KCNH5: variants seen among roughly 807,000 people sequenced by gnomAD.
The protein encoded by KCNH5 is potassium voltage-gated channel subfamily H member 5.
Under a neutral mutation model 96.1 loss-of-function variants are expected in KCNH5, and 46 were observed. The ratio of observed to expected loss-of-function variants is 0.48; its 90% CI spans 0.38 to 0.61. The LOEUF (loss-of-function observed/expected upper bound fraction) is 0.61. KCNH5 is among the 20% of genes least tolerant of loss of function. The pLI, the probability that KCNH5 is intolerant of heterozygous loss-of-function variation, is 0.00. For missense variants in KCNH5, 907 were observed against 1,225.8 expected, an observed-to-expected ratio of 0.74 and a Z score of 3.88; for synonymous variants, 439 against 449.8, an observed-to-expected ratio of 0.98 and a Z score of 0.30.
At chr14:62,777,367 G>C (rs955360843) in intron 10 of KCNH5, among the ~76,000 whole-genome samples, 2 of 152,160 alleles carry the variant, frequency 1.3e-5, no homozygotes, top group African/African-American at 4.8e-5. Flanking sequence ...GTCTTCATGG[G>C]TGAAATGGAG....
chr14:63,002,532 G>A (rs576095932), intron 3 of KCNH5, among the ~76,000 whole-genome samples: 3 of 152,118 alleles, frequency 2.0e-5, no homozygotes, highest in African/African-American at 7.2e-5. Flanking sequence ...TTAGGATTTG[G>A]GGAGTGAAAC....
chr14:62,927,640 C>G (rs1360598415), intron 7 of KCNH5, among the ~76,000 whole-genome samples: 4 of 152,006 alleles, frequency 2.6e-5, no homozygotes, highest in African/African-American at 9.7e-5. Flanking sequence ...CACAAAAATA[C>G]AAATACTTTT....
At chr14:62,712,770 T>C (rs1335116182) in intron 10 of KCNH5, 2 of 754,130 alleles carry the variant, frequency 2.7e-6, no homozygotes, top group Non-Finnish European at 4.9e-6. Context: ...GGGAAAGCGG[T>C]AGCCTAGACC....
At chr14:62,953,385 G>A (rs1890043095) in intron 6 of KCNH5, among the ~76,000 whole-genome samples, 1 of 151,932 alleles carries the variant, frequency 6.6e-6, no homozygotes, top group South Asian at 2.1e-4. Context: ...TGCATATCTA[G>A]GTTTCAACCA....
chr14:63,004,451 A>C (rs2139595564), intron 3 of KCNH5, among the ~76,000 whole-genome samples: 1 of 152,360 alleles, frequency 6.6e-6, no homozygotes, highest in East Asian at 1.9e-4. Context: ...TCTGGAAAGA[A>C]CCAGATAGGC....
At chr14:62,869,579 T>C (rs964990247) in intron 7 of KCNH5, among the ~76,000 whole-genome samples, 5 of 152,206 alleles carry the variant, frequency 3.3e-5, no homozygotes, top group African/African-American at 1.2e-4. Context: ...TTGCTTTTGG[T>C]GTTTCAGTCA....
chr14:62,845,290 A>C (rs1215178569), intron 8 of KCNH5, among the ~76,000 whole-genome samples: 1 of 152,206 alleles, frequency 6.6e-6, no homozygotes, highest in East Asian at 1.9e-4. Flanking sequence ...ACATAATTCT[A>C]AGATGGTGAC....
intron 10 of KCNH5, among the ~76,000 whole-genome samples, chr14:62,731,053 C>T (rs1412335044): frequency 6.6e-6 from 1 of 152,146 alleles, no homozygotes; most frequent in Non-Finnish European, 1.5e-5. Context: ...GTAATCCCTG[C>T]ACTTTGGGAG....
chr14:62,937,150 T>C (rs1020064364), intron 7 of KCNH5, among the ~76,000 whole-genome samples: 1 of 152,056 alleles, frequency 6.6e-6, no homozygotes, highest in Non-Finnish European at 1.5e-5. Flanking sequence ...CAAATGACCA[T>C]CCATCGCTAA....
At chr14:63,015,676 C>T (rs745527758) in intron 2 of KCNH5, among the ~76,000 whole-genome samples, 2 of 151,848 alleles carry the variant, frequency 1.3e-5, no homozygotes, top group African/African-American at 2.4e-5. Context: ...AGGATCCCTG[C>T]GTATATCAAA....
At chr14:62,936,191 G>A (rs1414423240) in intron 7 of KCNH5, among the ~76,000 whole-genome samples, 1 of 152,174 alleles carries the variant, frequency 6.6e-6, no homozygotes, top group Admixed American at 6.6e-5. Context: ...AGAAAAGGAA[G>A]TGAAGACACA....
chr14:63,024,896 C>T (rs1891497515), intron 1 of KCNH5, among the ~76,000 whole-genome samples: 1 of 152,016 alleles, frequency 6.6e-6, no homozygotes. Context: ...TTTTAGGAGG[C>T]CAGCATTACC....
chr14:62,780,046 C>T (rs539954976), intron 9 of KCNH5, 122 bp from the exon 10 acceptor site: 1 of 660,442 alleles, frequency 1.5e-6, no homozygotes, highest in African/African-American at 1.8e-5. Flanking sequence ...AGGGTATAAC[C>T]ACATCTATAA....
chr14:62,834,842 A>G (rs1887433500), intron 8 of KCNH5, among the ~76,000 whole-genome samples: 1 of 152,058 alleles, frequency 6.6e-6, no homozygotes, highest in Non-Finnish European at 1.5e-5. Flanking sequence ...ACAATGTTCA[A>G]TTATTTACAT....
At chr14:63,028,707 T>TTTG in intron 1 of KCNH5, among the ~76,000 whole-genome samples, 1 of 152,144 alleles carries the variant, frequency 6.6e-6, no homozygotes, top group Non-Finnish European at 1.5e-5. Flanking sequence ...CCTGTTAGAC[T>TTTG]GGAAGCAGAG....
intron 8 of KCNH5, among the ~76,000 whole-genome samples, chr14:62,824,672 G>C (rs559470478): frequency 6.6e-6 from 1 of 151,996 alleles, no homozygotes; most frequent in East Asian, 1.9e-4. Flanking sequence ...TATTACTTGG[G>C]TATATTGTGT....
chr14:62,883,789 A>T (rs1433062968), intron 7 of KCNH5, among the ~76,000 whole-genome samples: 1 of 151,872 alleles, frequency 6.6e-6, no homozygotes, highest in Non-Finnish European at 1.5e-5. Flanking sequence ...ACAATAATAT[A>T]ATAATAATGA....
At chr14:63,030,632 G>C (rs1891607481) in intron 1 of KCNH5, among the ~76,000 whole-genome samples, 2 of 152,104 alleles carry the variant, frequency 1.3e-5, no homozygotes, top group Admixed American at 6.5e-5. Flanking sequence ...CAAAGATTCT[G>C]TTTTAATTGG....
intron 4 of KCNH5, among the ~76,000 whole-genome samples, chr14:62,992,227 C>T (rs1890822699): frequency 6.6e-6 from 1 of 151,994 alleles, no homozygotes; most frequent in Non-Finnish European, 1.5e-5. Flanking sequence ...TCCAGTCATC[C>T]ACTGATGGAT....
Sources: allele counts gnomAD v4.1 joint callset (sites outside exome capture counted in the v4.1 genomes callset), GRCh38; gene constraint gnomAD v4.1.1; transcripts MANE v1.5; gene names NCBI Gene and HGNC (gene_info 2026-07-23, HGNC 2026-07-21).